THSD7B: variants seen among roughly 807,000 people sequenced by gnomAD.
THSD7B encodes the protein thrombospondin type-1 domain-containing protein 7B.
THSD7B carries 138 observed loss-of-function variants against 213.6 expected under a neutral mutation model. The ratio of observed to expected loss-of-function variants is 0.65; its 90% CI spans 0.56 to 0.74. The LOEUF (loss-of-function observed/expected upper bound fraction) is 0.74. Among genes scored for constraint, THSD7B ranks in the 30% least tolerant of loss-of-function variants. The pLI is 0.00. For missense variants in THSD7B, 1,931 were observed against 1,991.5 expected, an observed-to-expected ratio of 0.97 and a Z score of 0.58; for synonymous variants, 742 against 687.0, an observed-to-expected ratio of 1.08 and a Z score of -1.25.
intron 2 of THSD7B, among the ~76,000 whole-genome samples, chr2:136,996,080 A>T (rs1426774665): frequency 6.6e-6 from 1 of 151,992 alleles, no homozygotes; most frequent in Non-Finnish European, 1.5e-5. Context: ...AAGATGTAAT[A>T]GTGTTATTTG....
intron 10 of THSD7B, among the ~76,000 whole-genome samples, chr2:137,264,727 A>G (rs556213639): frequency 1.2e-4 from 18 of 151,884 alleles, no homozygotes; most frequent in Admixed American, 1.0e-3. Context: ...GGTAAGCCCT[A>G]TACTCTCTTT....
intron 7 of THSD7B, among the ~76,000 whole-genome samples, chr2:137,197,643 G>A (rs1022158245): frequency 6.6e-6 from 1 of 152,150 alleles, no homozygotes; most frequent in Non-Finnish European, 1.5e-5. Context: ...GGGGAGGCAT[G>A]CAGTACTGTT....
At chr2:136,956,976 C>T (rs1685137605) in intron 2 of THSD7B, among the ~76,000 whole-genome samples, 1 of 152,104 alleles carries the variant, frequency 6.6e-6, no homozygotes, top group Non-Finnish European at 1.5e-5. Context: ...CCGTGTCCAG[C>T]CCCCATAAGA....
At chr2:137,654,388 G>T (rs538234931) in intron 21 of THSD7B, among the ~76,000 whole-genome samples, 1 of 152,186 alleles carries the variant, frequency 6.6e-6, no homozygotes, top group Non-Finnish European at 1.5e-5. Context: ...GAGGATAGTA[G>T]TCATCCCTCC....
At chr2:137,076,726 T>A (rs1480881283) in intron 3 of THSD7B, among the ~76,000 whole-genome samples, 1 of 152,220 alleles carries the variant, frequency 6.6e-6, no homozygotes, top group Non-Finnish European at 1.5e-5. Flanking sequence ...TCGGCCATCT[T>A]GGCTCCTCCC....
At chr2:137,283,581 C>T (rs1324096912) in intron 12 of THSD7B, among the ~76,000 whole-genome samples, 1 of 152,116 alleles carries the variant, frequency 6.6e-6, no homozygotes, top group Non-Finnish European at 1.5e-5. Context: ...CCATCAATAG[C>T]TAATTTATTG....
At chr2:136,807,654 C>T (rs2558110) in intron 1 of THSD7B, among the ~76,000 whole-genome samples, 21,176 of 151,718 alleles carry the variant, frequency 0.14, 1,710 homozygotes, top group African/African-American at 0.21. Flanking sequence ...CTACAGGCGC[C>T]CGCCACCAGG....
chr2:137,409,811 T>G (rs1686607797), intron 13 of THSD7B, among the ~76,000 whole-genome samples: 1 of 152,190 alleles, frequency 6.6e-6, no homozygotes, highest in Non-Finnish European at 1.5e-5. Flanking sequence ...AAAGAATATT[T>G]CGAGAATGAA....
In THSD7B at chr2:137,360,715, T is replaced by A. The variant is rs369278492; in HGVS notation, c.2501-44898T>A. ...AACAAAGTGGCCTGGAATCTCGAACTGGGTGGAACCAACTGCAGCTCAACC... is the reference window on the plus strand; with the variant it reads ...AACAAAGTGGCCTGGAATCTCGAACAGGGTGGAACCAACTGCAGCTCAACC... On this transcript the variant is annotated intron_variant, in intron 12 of 27. Coordinates refer to ENST00000409968, the MANE Select transcript of THSD7B (RefSeq NM_001316349.2). Among the ~76,000 whole-genome samples, 3 of 152,310 alleles carry A rather than the reference T, an allele frequency of 2.0e-5. No individual in the cohort carries two copies. In the East Asian group the frequency reaches 5.8e-4, roughly 30 times the overall value.
At chr2:137,079,860 G>T (rs1255260479) in intron 3 of THSD7B, among the ~76,000 whole-genome samples, 1 of 152,092 alleles carries the variant, frequency 6.6e-6, no homozygotes, top group Non-Finnish European at 1.5e-5. Context: ...TGTGTTCTGG[G>T]ATGGAGTCTC....
At chr2:137,483,473 C>T (rs1200178039) in intron 15 of THSD7B, among the ~76,000 whole-genome samples, 1 of 152,204 alleles carries the variant, frequency 6.6e-6, no homozygotes. Flanking sequence ...ATTGAAGATG[C>T]TGGGCTCTGC....
rs763402857 is a variant in THSD7B at position 137,405,857 on chromosome 2, G to A, written c.2695+50G>A. 21 of 1,498,450 alleles carry A rather than the reference G, an allele frequency of 1.4e-5. No homozygotes were observed. The African/African-American group carries it at 2.8e-4, about 20-fold the overall frequency. 92.8% of individuals were successfully genotyped at this position (1,498,450 alleles called of 1,614,324 possible). A position where few individuals can be genotyped will look rare whatever the true frequency, so the allele number is the denominator to read the frequency against. ...GCATCAGGCAAGCTGAACATCTCTGGATCTTTTGTGTAGAATATGAGGTCC... is the reference window on the plus strand; with the variant it reads ...GCATCAGGCAAGCTGAACATCTCTGAATCTTTTGTGTAGAATATGAGGTCC... On this transcript the variant is annotated intron_variant, in intron 13 of 27. Coordinates refer to ENST00000409968, the MANE Select transcript of THSD7B (RefSeq NM_001316349.2).
At chr2:136,995,686 C>T (rs561576127) in intron 2 of THSD7B, among the ~76,000 whole-genome samples, 11 of 152,226 alleles carry the variant, frequency 7.2e-5, no homozygotes, top group African/African-American at 2.6e-4. Flanking sequence ...AATTACTTCT[C>T]ATGACTTCAT....
intron 15 of THSD7B, among the ~76,000 whole-genome samples, chr2:137,496,208 C>T (rs894008613): frequency 3.9e-5 from 6 of 151,990 alleles, no homozygotes; most frequent in Admixed American, 6.6e-5. Flanking sequence ...GTTAATGAGC[C>T]CTCTCATTTT....
chr2:137,538,533 T>C (rs779025689), intron 15 of THSD7B: 1 of 510,746 alleles, frequency 2.0e-6, no homozygotes, highest in Non-Finnish European at 3.9e-6. Context: ...ATTGTTTTTA[T>C]TTAGTGAAAA....
At chr2:137,278,392 T>A (rs1420644708) in intron 12 of THSD7B, among the ~76,000 whole-genome samples, 1 of 152,082 alleles carries the variant, frequency 6.6e-6, no homozygotes, top group East Asian at 1.9e-4. Context: ...GAACAATATC[T>A]TCTAAATGTG....
Position 136,788,739 on chromosome 2 carries a change from C to T in THSD7B, c.-36+23052C>T, listed in dbSNP as rs144252969. Among the ~76,000 whole-genome samples, 11 of 152,082 alleles carry T rather than the reference C, an allele frequency of 7.2e-5. No individual in the cohort carries two copies. The East Asian group carries it at 1.9e-3, about 27-fold the overall frequency. ...CCCATTTTAAGCATCTAAACCTGTG[C>T]GACATGCCTTAAGTAAGCCAAGTTA... is the stretch of plus-strand genomic sequence containing the variant. On this transcript the variant is annotated intron_variant, in intron 1 of 27. Coordinates refer to ENST00000409968, the MANE Select transcript of THSD7B (RefSeq NM_001316349.2).
intron 1 of THSD7B, among the ~76,000 whole-genome samples, chr2:136,854,633 G>T (rs1216929958): frequency 6.6e-6 from 1 of 151,568 alleles, no homozygotes; most frequent in Non-Finnish European, 1.5e-5. Context: ...GCTGGAAAGG[G>T]ATAAGAAAGA....
intron 1 of THSD7B, among the ~76,000 whole-genome samples, chr2:136,809,676 T>G (rs1472079986): frequency 6.6e-6 from 1 of 152,098 alleles, no homozygotes; most frequent in East Asian, 1.9e-4. Context: ...CTTACGAGGA[T>G]TCTTAGCTTG....
Sources: gnomAD v4.1 joint callset for allele counts (sites outside exome capture counted in the v4.1 genomes callset) on GRCh38, gnomAD v4.1.1 for gene constraint, MANE v1.5 for transcripts, NCBI Gene and HGNC (gene_info 2026-07-23, HGNC 2026-07-21) for gene names.